Variants in IFT25 observed in about 807,000 individuals in gnomAD.
IFT25 encodes intraflagellar transport protein 25 homolog.
chr1:53,920,895 G>A, the IFT25 span, among the ~76,000 whole-genome samples: 5 of 152,286 alleles, frequency 3.3e-5, no homozygotes, highest in Admixed American at 1.3e-4. Flanking sequence ...AGTAAAGGCC[G>A]GGTGCGGTGG....
chr1:53,943,593 G>A, the IFT25 span, among the ~76,000 whole-genome samples: 98 of 152,192 alleles, frequency 6.4e-4, no homozygotes, highest in African/African-American at 2.2e-3. Context: ...TCTATTTGGC[G>A]GTGGAAATGT....
the IFT25 span, among the ~76,000 whole-genome samples, chr1:53,936,818 A>G: frequency 6.7e-6 from 1 of 149,522 alleles, no homozygotes; most frequent in Admixed American, 6.7e-5. Context: ...CCCCTTTTTC[A>G]TTGACACATT....
At chr1:53,917,370 T>C in the IFT25 span, among the ~76,000 whole-genome samples, 1 of 152,198 alleles carries the variant, frequency 6.6e-6, no homozygotes, top group Non-Finnish European at 1.5e-5. Flanking sequence ...CAGTCATCCA[T>C]AGTTCTATAT....
chr1:53,919,158 G>A, the IFT25 span, among the ~76,000 whole-genome samples: 3,076 of 152,058 alleles, frequency 0.02, 102 homozygotes, highest in African/African-American at 0.07. Flanking sequence ...AGATTTCCTT[G>A]TATTCATGCC....
At chr1:53,944,720 G>A in the IFT25 span, among the ~76,000 whole-genome samples, 2 of 152,136 alleles carry the variant, frequency 1.3e-5, no homozygotes, top group African/African-American at 2.4e-5. Context: ...CCTCAGGGCC[G>A]CAGTTTACCA....
chr1:53,942,386 A>G, the IFT25 span, among the ~76,000 whole-genome samples: 1 of 152,352 alleles, frequency 6.6e-6, no homozygotes, highest in Admixed American at 6.5e-5. Context: ...ATATTCTGTG[A>G]CACACAAAAA....
At chr1:53,936,032 C>T in the IFT25 span, among the ~76,000 whole-genome samples, 7 of 151,478 alleles carry the variant, frequency 4.6e-5, no homozygotes, top group East Asian at 7.8e-4. Context: ...GAGGCTGAGG[C>T]GGGCTGATTA....
chr1:53,940,375 C>G, the IFT25 span, among the ~76,000 whole-genome samples: 2 of 151,974 alleles, frequency 1.3e-5, no homozygotes, highest in Non-Finnish European at 2.9e-5. Flanking sequence ...GGAAGAAGGT[C>G]AACCGAGGAG....
the IFT25 span, chr1:53,928,275 AT>A: frequency 1.0e-6 from 1 of 970,758 alleles, no homozygotes; most frequent in Non-Finnish European, 1.6e-6. Flanking sequence ...CATTAAAGTC[AT>A]CTTTTTTCAC....
At chr1:53,920,282 GGTTTT>G in the IFT25 span, among the ~76,000 whole-genome samples, 1 of 151,940 alleles carries the variant, frequency 6.6e-6, no homozygotes, top group Non-Finnish European at 1.5e-5. Flanking sequence ...GTCCAATGAG[GGTTTT>G]GTTTTGGTCT....
the IFT25 span, among the ~76,000 whole-genome samples, chr1:53,925,557 C>T: frequency 4.0e-5 from 6 of 150,978 alleles, no homozygotes; most frequent in South Asian, 1.0e-3. Context: ...CCCAGTTACT[C>T]GGGAGGCTGA....
At chr1:53,939,390 C>CAAAAAAAAAA in the IFT25 span, among the ~76,000 whole-genome samples, 2 of 63,078 alleles carry the variant, frequency 3.2e-5, no homozygotes, top group African/African-American at 1.1e-4. Context: ...GACTCTGTCT[C>CAAAAAAAAAA]AAAAAAAAAA....
the IFT25 span, among the ~76,000 whole-genome samples, chr1:53,921,399 A>G: frequency 6.6e-6 from 1 of 152,198 alleles, no homozygotes; most frequent in Admixed American, 6.5e-5. Flanking sequence ...GATGCAATGT[A>G]TTACCCATTA....
At chr1:53,929,775 A>G in the IFT25 span, 5 of 342,364 alleles carry the variant, frequency 1.5e-5, no homozygotes, top group African/African-American at 1.1e-4. Context: ...ATTGCATGGA[A>G]ATTATTATGT....
At chr1:53,916,939 C>A in the IFT25 span, 1 of 350,056 alleles carries the variant, frequency 2.9e-6, no homozygotes, top group South Asian at 1.5e-4. Flanking sequence ...GTCTGGAGTT[C>A]GAGACCAGCC....
At chr1:53,939,130 G>A in the IFT25 span, among the ~76,000 whole-genome samples, 1 of 145,858 alleles carries the variant, frequency 6.9e-6, no homozygotes, top group Admixed American at 6.9e-5. Context: ...AGTAGCTTAC[G>A]CCTGTAATCC....
the IFT25 span, among the ~76,000 whole-genome samples, chr1:53,933,785 T>C: frequency 2.0e-5 from 3 of 152,192 alleles, no homozygotes; most frequent in Non-Finnish European, 4.4e-5. Flanking sequence ...CTCCCTCCTA[T>C]TCTTGTCCTG....
At chr1:53,943,040 C>T in the IFT25 span, among the ~76,000 whole-genome samples, 1 of 152,052 alleles carries the variant, frequency 6.6e-6, no homozygotes, top group Admixed American at 6.5e-5. Context: ...TTTTTACTCT[C>T]AGTGGTGCTC....
chr1:53,936,400 A>G, the IFT25 span, among the ~76,000 whole-genome samples: 4 of 152,230 alleles, frequency 2.6e-5, no homozygotes, highest in Admixed American at 6.5e-5. Context: ...CAGTGAGCCG[A>G]GATTGTGCCA....
Sources: gnomAD v4.1 joint callset for allele counts (sites outside exome capture counted in the v4.1 genomes callset) on GRCh38, gnomAD v4.1.1 for gene constraint, MANE v1.5 for transcripts, NCBI Gene and HGNC (gene_info 2026-07-23, HGNC 2026-07-21) for gene names.